The following SULT6B1 variants were observed in gnomAD, a reference collection of about 807,000 sequenced individuals.
SULT6B1 encodes the protein sulfotransferase 6B1.
SULT6B1 carries 44 observed loss-of-function variants against 37.2 expected under a neutral mutation model. The observed-to-expected ratio is 1.18, with a 90% CI of 0.93 to 1.52. The LOEUF (loss-of-function observed/expected upper bound fraction) is 1.52, where lower values mean the gene tolerates loss of function less well. Ranked by LOEUF, SULT6B1 falls within the 40% of genes most tolerant of loss-of-function variation. The pLI is 0.00. For missense variants in SULT6B1, 450 were observed against 361.0 expected, an observed-to-expected ratio of 1.25 and a Z score of -2.00; for synonymous variants, 140 against 126.0, an observed-to-expected ratio of 1.11 and a Z score of -0.74.
At chr2:37,172,050 AT>A (rs58709199) in intron 5 of SULT6B1, among the ~76,000 whole-genome samples, 87,117 of 146,804 alleles carry the variant, frequency 0.59, 26,524 homozygotes, top group East Asian at 0.91. Flanking sequence ...AACTTGAAGA[AT>A]TTTTTTTTTT....
chr2:37,171,969 CT>C (rs1223127615), intron 5 of SULT6B1, among the ~76,000 whole-genome samples: 1 of 151,440 alleles, frequency 6.6e-6, no homozygotes, highest in Non-Finnish European at 1.5e-5. Flanking sequence ...TTTGAATTCT[CT>C]TTTTTTCTGA....
chr2:37,186,358 C>T (rs1676673548), intron 2 of SULT6B1, among the ~76,000 whole-genome samples: 1 of 152,090 alleles, frequency 6.6e-6, no homozygotes, highest in Non-Finnish European at 1.5e-5. Flanking sequence ...TTTTTCTGTC[C>T]AAGCCCTGAA....
chr2:37,173,732 C>A (rs1400113805), intron 5 of SULT6B1, among the ~76,000 whole-genome samples: 1 of 152,210 alleles, frequency 6.6e-6, no homozygotes, highest in East Asian at 1.9e-4. Flanking sequence ...TGTTGGCCTT[C>A]CCTTCAACAT....
At chr2:37,176,282 A>C (rs867422659) in intron 4 of SULT6B1, among the ~76,000 whole-genome samples, 2 of 20,516 alleles carry the variant, frequency 9.7e-5, no homozygotes, top group African/African-American at 1.4e-4. Context: ...TTTTTTTTTG[A>C]GATGGAGTCT....
chr2:37,179,373 T>G, intron 4 of SULT6B1, 85 bp downstream of exon 4: 2 of 1,556,860 alleles, frequency 1.3e-6, no homozygotes, highest in East Asian at 4.6e-5. Context: ...TAAATCTTCT[T>G]CCTTTACCCT....
intron 4 of SULT6B1, among the ~76,000 whole-genome samples, chr2:37,175,915 A>G (rs1676416421): frequency 6.6e-6 from 1 of 152,250 alleles, no homozygotes; most frequent in African/African-American, 2.4e-5. Flanking sequence ...GCAACTTATT[A>G]CACTTACTTA....
intron 1 of SULT6B1, chr2:37,194,359 C>A: frequency 2.9e-6 from 1 of 342,166 alleles, no homozygotes; most frequent in East Asian, 9.4e-5. Context: ...GGGTTACAGG[C>A]ATGAGCCACC....
chr2:37,177,376 C>T (rs183211391), intron 4 of SULT6B1, among the ~76,000 whole-genome samples: 2 of 125,256 alleles, frequency 1.6e-5, no homozygotes, highest in East Asian at 5.0e-4. Flanking sequence ...CTTGCCGCTA[C>T]ACTCCAGCCT....
At chr2:37,182,075 C>T (rs967066775) in intron 3 of SULT6B1, among the ~76,000 whole-genome samples, 1 of 152,084 alleles carries the variant, frequency 6.6e-6, no homozygotes, top group Non-Finnish European at 1.5e-5. Context: ...CAAAGCTGCT[C>T]ATTCTAAACC....
chr2:37,179,449 C>T lies in SULT6B1; in HGVS notation c.529+9G>A, dbSNP rs1424041578. 3 of 1,612,574 alleles carry T rather than the reference C, an allele frequency of 1.9e-6. No individual in the cohort carries two copies. Among genetic ancestry groups the T allele is most frequent in the East Asian group, 2.2e-5 (1 of 44,820 alleles). ...CAAGTAAGAATAATTCTTTTACCAA[C>T]AGCCATACCTTGTCCTTTCATGAAC... On this transcript the variant is annotated intron_variant, in intron 4 of 6. Transcript: ENST00000535679.
In SULT6B1 at chr2:37,188,550, G is replaced by C. The variant is rs1013062724; in HGVS notation, c.91C>G (p.Gln31Glu). Residue 31 changes from glutamine to glutamate, a missense_variant, in exon 1 of 7, where the codon CAG (glutamine) becomes GAG (glutamate). Gln to Glu is a conservative substitution (Grantham distance 29). Coordinates refer to ENST00000535679, the MANE Select transcript of SULT6B1 (RefSeq NM_001367551.1). The stretch of plus-strand genomic sequence containing the variant: ...ATGGTGATGGGGTAAGGAATCCCCT[G>C]ATAGGTGAAAAATAAATGAGAGAGT... ...TALSHLFFTY[Q>E]GIPYPITMCT... The C allele has an allele frequency of 2.5e-6, 4 of 1,611,700 alleles. No individual in the cohort carries two copies. The highest frequency in any genetic ancestry group is 3.4e-6 in the Non-Finnish European group (4 of 1,177,782).
chr2:37,188,966 G>C (rs1387004839), upstream of SULT6B1, among the ~76,000 whole-genome samples: 1 of 152,150 alleles, frequency 6.6e-6, no homozygotes, highest in Non-Finnish European at 1.5e-5. Flanking sequence ...ATTTAATCAG[G>C]CATGCAATTT....
At chr2:37,193,572 A>AG (rs1420165281), upstream of SULT6B1, among the ~76,000 whole-genome samples, 2 of 149,042 alleles carry the variant, frequency 1.3e-5, no homozygotes, top group East Asian at 2.0e-4. Context: ...TACCAAAAAA[A>AG]AAAGAAGAAA....
At chr2:37,169,341 T>G (rs1676246723) in intron 6 of SULT6B1, among the ~76,000 whole-genome samples, 1 of 152,204 alleles carries the variant, frequency 6.6e-6, no homozygotes, top group Non-Finnish European at 1.5e-5. Context: ...AAAAGTACAG[T>G]AGAGTCATGT....
At chr2:37,195,271 T>C (rs959869857) in intron 1 of SULT6B1, among the ~76,000 whole-genome samples, 7 of 152,300 alleles carry the variant, frequency 4.6e-5, no homozygotes, top group Non-Finnish European at 7.4e-5. Context: ...TTCATCTTGC[T>C]TTGTCATCCT....
intron 2 of SULT6B1, 55 bp from the exon 3 acceptor site, chr2:37,183,569 T>C (rs924573605): frequency 1.5e-6 from 2 of 1,355,972 alleles, no homozygotes; most frequent in Non-Finnish European, 2.1e-6. Context: ...TGTGTGTGTG[T>C]GTGTTGAATC....
intron 5 of SULT6B1, among the ~76,000 whole-genome samples, chr2:37,173,393 G>T (rs935083403): frequency 6.6e-6 from 1 of 151,872 alleles, no homozygotes; most frequent in African/African-American, 2.4e-5. Context: ...ATATACCTAC[G>T]TATATATTTC....
intron 3 of SULT6B1, 31 bp downstream of exon 3, chr2:37,183,394 C>T (rs6544061): frequency 0.41 from 634,362 of 1,553,468 alleles, 132,947 homozygotes; most frequent in African/African-American, 0.47. Flanking sequence ...ATAGAAATTT[C>T]AAAGAATTAT....
At chr2:37,170,758 A>AAAAAC (rs1558443447) in intron 6 of SULT6B1, among the ~76,000 whole-genome samples, 2 of 143,212 alleles carry the variant, frequency 1.4e-5, no homozygotes, top group African/African-American at 2.5e-5. Flanking sequence ...AAAAAAAAAA[A>AAAAAC]AACTCACTGA....
Sources: gnomAD v4.1 joint callset for allele counts (sites outside exome capture counted in the v4.1 genomes callset) on GRCh38, gnomAD v4.1.1 for gene constraint, MANE v1.5 for transcripts, NCBI Gene and HGNC (gene_info 2026-07-23, HGNC 2026-07-21) for gene names.